Variants in TSHZ3 observed in about 807,000 individuals in gnomAD.
TSHZ3 encodes the protein teashirt homolog 3.
In TSHZ3, 10 loss-of-function variants were observed where a neutral mutation model predicts 64.5. The observed-to-expected ratio is 0.16, with a 90% CI of 0.10 to 0.26. The LOEUF (loss-of-function observed/expected upper bound fraction) is 0.26, where lower values mean the gene tolerates loss of function less well. TSHZ3 is among the 10% of genes least tolerant of loss of function. The pLI is 1.00. For synonymous variants in TSHZ3, 608 were observed against 593.1 expected (o/e 1.03, Z -0.36); for missense variants, 1,242 against 1,421.7 (o/e 0.87, Z 2.03).
intron 1 of TSHZ3, among the ~76,000 whole-genome samples, chr19:31,267,083 A>T (rs1383906650): frequency 2.0e-5 from 3 of 152,158 alleles, no homozygotes; most frequent in African/African-American, 7.2e-5. Context: ...ACTTGGCATG[A>T]TTGTGGACTA....
intron 1 of TSHZ3, among the ~76,000 whole-genome samples, chr19:31,264,842 C>A (rs1976027505): frequency 6.6e-6 from 1 of 152,080 alleles, no homozygotes; most frequent in South Asian, 2.1e-4. Flanking sequence ...GAGACAGGGC[C>A]AGTCAACGAA....
intron 5 of TSHZ3, among the ~76,000 whole-genome samples, chr19:31,200,356 A>G (rs1240197187): frequency 5.3e-5 from 8 of 152,226 alleles, no homozygotes; most frequent in South Asian, 4.1e-4. Context: ...AAATAAACTA[A>G]AAGTCTGGTA....
intron 3 of TSHZ3, among the ~76,000 whole-genome samples, chr19:31,236,740 C>T (rs1219030998): frequency 6.6e-6 from 1 of 152,174 alleles, no homozygotes; most frequent in Non-Finnish European, 1.5e-5. Flanking sequence ...AGGGAAAAAC[C>T]TTCTTGTCAT....
At chr19:31,169,865 C>T (rs1974512416) in intron 5 of TSHZ3, among the ~76,000 whole-genome samples, 1 of 152,094 alleles carries the variant, frequency 6.6e-6, no homozygotes, top group Non-Finnish European at 1.5e-5. Context: ...GGTTTTCATG[C>T]CAGGGTGGAG....
intron 1 of TSHZ3, among the ~76,000 whole-genome samples, chr19:31,258,172 G>T (rs1479258802): frequency 6.6e-6 from 1 of 152,162 alleles, no homozygotes; most frequent in African/African-American, 2.4e-5. Flanking sequence ...CAACACAATT[G>T]CCAATCCCTC....
Position 31,276,721 on chromosome 19 carries a change from C to A in TSHZ3, c.3072G>T (p.Pro1024=). Residue 1024 remains proline (P), a synonymous_variant, in exon 2 of 2, where the codon CCG becomes CCT. Transcript: ENST00000240587. ...GGGAGGACGTCACCATTTTTTCTGA[C>A]GGTGACTTGGTTTGTGCTATCTGAC... ...INSQIAQTKS[P]SEKMVTSSPE... is the part of the protein sequence containing the mutation. The A allele has an allele frequency of 6.2e-7, 1 of 1,613,482 alleles. No homozygotes were observed. Among genetic ancestry groups the A allele is most frequent in the Non-Finnish European group, 8.5e-7 (1 of 1,179,476 alleles).
At chr19:31,302,975 T>G (rs1976778625) in intron 1 of TSHZ3, among the ~76,000 whole-genome samples, 2 of 152,206 alleles carry the variant, frequency 1.3e-5, no homozygotes, top group South Asian at 2.1e-4. Context: ...TACATGTATG[T>G]GTAAACATAT....
intron 1 of TSHZ3, among the ~76,000 whole-genome samples, chr19:31,281,052 G>A (rs1009193111): frequency 5.9e-5 from 9 of 152,142 alleles, no homozygotes; most frequent in Admixed American, 5.2e-4. Flanking sequence ...CTAAATACTT[G>A]TTTGCTTCAA....
At chr19:31,307,923 A>G (rs942479170) in intron 1 of TSHZ3, among the ~76,000 whole-genome samples, 1 of 151,982 alleles carries the variant, frequency 6.6e-6, no homozygotes, top group African/African-American at 2.4e-5. Flanking sequence ...AACTTGTATG[A>G]CTCTCATAAA....
chr19:31,206,089 ATGGATGG>A (rs1307871229), intron 4 of TSHZ3, among the ~76,000 whole-genome samples: 1 of 113,548 alleles, frequency 8.8e-6, no homozygotes, highest in Non-Finnish European at 1.9e-5. Flanking sequence ...GGATGGATGG[ATGGATGG>A]ATGGATGGAT....
chr19:31,309,845 G>T (rs1916406167), intron 1 of TSHZ3, among the ~76,000 whole-genome samples: 1 of 152,008 alleles, frequency 6.6e-6, no homozygotes, highest in South Asian at 2.1e-4. Flanking sequence ...TTCCCATCCT[G>T]CTCACGGTCA....
At chr19:31,265,802 C>T (rs549119920) in intron 1 of TSHZ3, among the ~76,000 whole-genome samples, 2 of 152,272 alleles carry the variant, frequency 1.3e-5, no homozygotes, top group Non-Finnish European at 1.5e-5. Context: ...ATGGGTCACC[C>T]ACAAAGGGAA....
intron 1 of TSHZ3, among the ~76,000 whole-genome samples, chr19:31,301,665 G>A (rs1976759515): frequency 6.6e-6 from 1 of 152,198 alleles, no homozygotes; most frequent in Admixed American, 6.5e-5. Context: ...GCAGGTCAGA[G>A]AGGGTCGGGT....
intron 1 of TSHZ3, among the ~76,000 whole-genome samples, chr19:31,346,794 C>T (rs1158656659): frequency 6.8e-6 from 1 of 147,562 alleles, no homozygotes; most frequent in Non-Finnish European, 1.5e-5. Flanking sequence ...AACAAACCAC[C>T]CCCAAAAAAA....
downstream of TSHZ3, chr19:31,274,798 T>G (rs1317261605): frequency 6.6e-6 from 1 of 151,548 alleles, no homozygotes; most frequent in Non-Finnish European, 1.5e-5. Flanking sequence ...TCACTAAAAC[T>G]CCCCCTGATT....
intron 1 of TSHZ3, among the ~76,000 whole-genome samples, chr19:31,348,440 G>A (rs1316740933): frequency 6.7e-5 from 10 of 150,044 alleles, no homozygotes; most frequent in East Asian, 5.9e-4. Context: ...AGTCTTAACA[G>A]GAGTTGACAC....
chr19:31,230,189 T>C (rs1424734846), intron 3 of TSHZ3, among the ~76,000 whole-genome samples: 1 of 152,182 alleles, frequency 6.6e-6, no homozygotes, highest in East Asian at 1.9e-4. Flanking sequence ...TGGTGCATTA[T>C]AATCCAAGGT....
At chr19:31,150,054 T>G (rs542768318) in exon 7 of TSHZ3, among the ~76,000 whole-genome samples, 1 of 152,324 alleles carries the variant, frequency 6.6e-6, no homozygotes, top group Non-Finnish European at 1.5e-5. Flanking sequence ...GTGGAGGCTT[T>G]GAATCATTCG....
At chr19:31,218,935 T>C (rs1270616793) in intron 4 of TSHZ3, among the ~76,000 whole-genome samples, 2 of 152,172 alleles carry the variant, frequency 1.3e-5, no homozygotes, top group Non-Finnish European at 2.9e-5. Flanking sequence ...TCCGGCAGCA[T>C]TGCTAATTTT....
Sources: gnomAD v4.1 joint callset for allele counts (sites outside exome capture counted in the v4.1 genomes callset) on GRCh38, gnomAD v4.1.1 for gene constraint, MANE v1.5 for transcripts, NCBI Gene and HGNC (gene_info 2026-07-23, HGNC 2026-07-21) for gene names.